The following EPS15 variants were observed in gnomAD, a reference collection of about 807,000 sequenced individuals.
The protein encoded by EPS15 is epidermal growth factor receptor substrate 15.
A neutral mutation model predicts 113.8 loss-of-function variants in EPS15; 72 were observed. That is an observed-to-expected ratio of 0.63 (90% CI 0.52 to 0.77). EPS15 has a LOEUF of 0.77. EPS15 is among the 30% of genes least tolerant of loss of function. The pLI, the probability that EPS15 is intolerant of heterozygous loss-of-function variation, is 0.00. For synonymous variants in EPS15, 344 were observed against 363.4 expected, an observed-to-expected ratio of 0.95 and a Z score of 0.61; for missense variants, 1,048 against 1,045.8, an observed-to-expected ratio of 1.00 and a Z score of -0.03.
At chr1:51,375,003 T>G (rs1327033117) in intron 21 of EPS15, among the ~76,000 whole-genome samples, 1 of 138,282 alleles carries the variant, frequency 7.2e-6, no homozygotes, top group African/African-American at 2.8e-5. Context: ...CTTCTTTTTT[T>G]TTTTTTTTTT....
chr1:51,414,796 T>C (rs966634434), intron 13 of EPS15, among the ~76,000 whole-genome samples: 2 of 152,176 alleles, frequency 1.3e-5, no homozygotes, highest in Admixed American at 6.5e-5. Context: ...TAAGAAAATG[T>C]CTAGGACATG....
At chr1:51,519,111 C>T in intron 1 of EPS15, 88 bp downstream of exon 1, 2 of 931,594 alleles carry the variant, frequency 2.1e-6, no homozygotes, top group Non-Finnish European at 3.1e-6. Flanking sequence ...GCCTGCTTGG[C>T]CCACAAGCCA....
At chr1:51,357,408 ATATATATATATATATATATTTT>A (rs1646253233) in intron 24 of EPS15, among the ~76,000 whole-genome samples, 5 of 57,298 alleles carry the variant, frequency 8.7e-5, no homozygotes, top group Non-Finnish European at 1.5e-4. Flanking sequence ...ATATATATAT[ATATATATATATATATATATTTT>A]TTTTTTTTAA....
chr1:51,359,375 T>C (rs1438459297), intron 24 of EPS15, among the ~76,000 whole-genome samples: 6 of 131,264 alleles, frequency 4.6e-5, no homozygotes, highest in African/African-American at 1.2e-4. Flanking sequence ...ACCTGGGAGG[T>C]GGAGGTTGCA....
chr1:51,380,266 T>C (rs1170285736), intron 21 of EPS15, among the ~76,000 whole-genome samples: 1 of 151,794 alleles, frequency 6.6e-6, no homozygotes, highest in African/African-American at 2.4e-5. Flanking sequence ...AGGGAGTCAT[T>C]CAAGTTGAAA....
intron 13 of EPS15, among the ~76,000 whole-genome samples, chr1:51,412,996 G>C (rs145273589): frequency 6.6e-6 from 1 of 152,090 alleles, no homozygotes; most frequent in Admixed American, 6.5e-5. Context: ...CTCTTATCTA[G>C]AGGATTAAGT....
chr1:51,399,719 C>T lies in EPS15; in HGVS notation c.1919-554G>A, dbSNP rs140906115. ...ACTAAAAATACAAAAATTAGCCAGGCGTGGTGGTGCGCGCCCGTAATCCTG... is the reference window on the plus strand; with the variant it reads ...ACTAAAAATACAAAAATTAGCCAGGTGTGGTGGTGCGCGCCCGTAATCCTG... On this transcript the variant is annotated intron_variant, in intron 19 of 24. Transcript: ENST00000371733. Among the ~76,000 whole-genome samples, 6 of 151,998 alleles carry T rather than the reference C, an allele frequency of 3.9e-5. No homozygotes were observed. The East Asian group carries it at 9.7e-4, about 24-fold the overall frequency.
At chr1:51,508,374 AAGAAAGAAAG>A (rs1284665628) in intron 1 of EPS15, among the ~76,000 whole-genome samples, 16 of 149,726 alleles carry the variant, frequency 1.1e-4, no homozygotes, top group African/African-American at 3.9e-4. Context: ...GAAAGAAAGA[AAGAAAGAAAG>A]AGAAAATTTA....
chr1:51,394,793 T>C (rs1371551824), intron 20 of EPS15, among the ~76,000 whole-genome samples: 1 of 152,144 alleles, frequency 6.6e-6, no homozygotes, highest in Admixed American at 6.6e-5. Context: ...AATCCTGACT[T>C]TGGTGATATT....
At chr1:51,491,076 G>A (rs905298447) in intron 1 of EPS15, among the ~76,000 whole-genome samples, 3 of 152,142 alleles carry the variant, frequency 2.0e-5, no homozygotes, top group African/African-American at 4.8e-5. Flanking sequence ...AACACTGTGC[G>A]ATGGCAAATC....
At position 51,481,319 on chromosome 1, in the gene EPS15, A is replaced by G; in HGVS notation, c.34-5T>C. The G allele has an allele frequency of 8.4e-7, 1 of 1,192,396 alleles. No homozygotes were observed. Among genetic ancestry groups the G allele is most frequent in the Non-Finnish European group, 1.2e-6 (1 of 800,542 alleles). The allele number at this position is 1,192,396 out of a possible 1,614,324, so 73.9% of individuals were successfully genotyped here. On this transcript the variant is annotated splice_region_variant and splice_polypyrimidine_tract_variant and intron_variant, in intron 1 of 24. Coordinates refer to ENST00000371733, the MANE Select transcript of EPS15 (RefSeq NM_001981.3). ...TACAGGATTCCCACTTGATAACTGAAATAAACACATTAATAAAAATTAGAT... is the reference window on the plus strand; with the variant it reads ...TACAGGATTCCCACTTGATAACTGAGATAAACACATTAATAAAAATTAGAT...
At chr1:51,398,054 ATTT>A (rs796357920) in intron 20 of EPS15, among the ~76,000 whole-genome samples, 1 of 143,302 alleles carries the variant, frequency 7.0e-6, no homozygotes. Flanking sequence ...CAAGATGAAG[ATTT>A]TTTTTTTTTT....
intron 12 of EPS15, among the ~76,000 whole-genome samples, chr1:51,425,213 C>T (rs1230989631): frequency 1.3e-5 from 2 of 152,294 alleles, no homozygotes; most frequent in Middle Eastern, 3.4e-3. Context: ...TCAAGGAAAG[C>T]AAATCCCAAG....
At chr1:51,513,730 T>C (rs1570462865) in intron 1 of EPS15, among the ~76,000 whole-genome samples, 1 of 152,186 alleles carries the variant, frequency 6.6e-6, no homozygotes, top group East Asian at 1.9e-4. Context: ...GCTTAGTTCA[T>C]AGGTTACGCT....
intron 12 of EPS15, among the ~76,000 whole-genome samples, chr1:51,429,488 G>GA (rs1319807609): frequency 6.6e-6 from 1 of 151,242 alleles, no homozygotes; most frequent in Admixed American, 6.6e-5. Context: ...AAAAATTAAT[G>GA]AAAAAAAAGT....
At chr1:51,426,850 TATAC>T (rs1227153515) in intron 12 of EPS15, among the ~76,000 whole-genome samples, 72 of 145,228 alleles carry the variant, frequency 5.0e-4, no homozygotes, top group South Asian at 4.7e-3. Flanking sequence ...TATATATATA[TATAC>T]ACACACACAT....
chr1:51,399,634 G>A lies in EPS15; in HGVS notation c.1919-469C>T, dbSNP rs146452894. ...AGCACTTTGGGAGGTTGAGGTAGAC[G>A]GATGACTTGAGCTCAGGAGTTTAAG... On this transcript the variant is annotated intron_variant, in intron 19 of 24. Coordinates refer to ENST00000371733, the MANE Select transcript of EPS15 (RefSeq NM_001981.3). 1.7e-3 allele frequency among the ~76,000 whole-genome samples: 263 copies of A among 151,882 alleles called. 1 individual carries two copies. The highest frequency in any genetic ancestry group is 6.8e-3 in the Middle Eastern group (2 of 294).
Position 51,471,836 on chromosome 1 carries a change from T to C in EPS15, c.166-99A>G. The stretch of plus-strand genomic sequence containing the variant: ...CTATTTACAACCTCAGGCTCTCTGG[T>C]AATCAGATCTAAGAATCATAGAATT... On this transcript the variant is annotated intron_variant, in intron 3 of 24. Coordinates refer to ENST00000371733, the MANE Select transcript of EPS15 (RefSeq NM_001981.3). 26 of 861,330 alleles carry C rather than the reference T, an allele frequency of 3.0e-5. No homozygotes were observed. The South Asian group carries it at 3.7e-4, about 12-fold the overall frequency. 53.4% of individuals were successfully genotyped at this position (861,330 alleles called of 1,614,324 possible).
rs757520533 is a variant in EPS15 at position 51,512,257 on chromosome 1, G to T, written c.33+6942C>A. On this transcript the variant is annotated intron_variant, in intron 1 of 24. Transcript: ENST00000371733. The stretch of plus-strand genomic sequence containing the variant: ...CTTAAGAGGTCTCAATAATACCCAA[G>T]AAGTCTCAGTAGTTTATTTCTAATA... Among the ~76,000 whole-genome samples, 6 of 152,142 alleles carry T rather than the reference G, an allele frequency of 3.9e-5. 1 individual carries two copies. Among genetic ancestry groups the T allele is most frequent in the Admixed American group, 6.5e-5 (1 of 15,272 alleles).
Sources: gnomAD v4.1 joint callset for allele counts (sites outside exome capture counted in the v4.1 genomes callset) on GRCh38, gnomAD v4.1.1 for gene constraint, MANE v1.5 for transcripts, NCBI Gene and HGNC (gene_info 2026-07-23, HGNC 2026-07-21) for gene names.